Variants in TGFBR3 observed in about 807,000 individuals in gnomAD.
The protein encoded by TGFBR3 is transforming growth factor beta receptor 3.
Under a neutral mutation model 87.9 loss-of-function variants are expected in TGFBR3, and 46 were observed. That is an observed-to-expected ratio of 0.52 (90% CI 0.41 to 0.67). The LOEUF (loss-of-function observed/expected upper bound fraction) is 0.67, where lower values mean the gene tolerates loss of function less well. Ranked by LOEUF, TGFBR3 falls within the 30% of genes least tolerant of loss-of-function variation. TGFBR3 has a pLI of 0.00. For synonymous variants in TGFBR3, 381 were observed against 391.6 expected (o/e 0.97, Z 0.32); for missense variants, 866 against 1,041.9 (o/e 0.83, Z 2.32).
At chr1:91,827,279 G>A (rs536829272) in intron 2 of TGFBR3, among the ~76,000 whole-genome samples, 2 of 152,156 alleles carry the variant, frequency 1.3e-5, no homozygotes, top group Non-Finnish European at 2.9e-5. Context: ...TGGCGGTTAC[G>A]ACATGGAATG....
At chr1:91,807,750 T>C (rs1162648714) in intron 2 of TGFBR3, among the ~76,000 whole-genome samples, 1 of 152,200 alleles carries the variant, frequency 6.6e-6, no homozygotes, top group Admixed American at 6.5e-5. Context: ...AGTGAAGCAG[T>C]GGCATGTCTC....
intron 2 of TGFBR3, among the ~76,000 whole-genome samples, chr1:91,858,570 G>A (rs1352015944): frequency 4.8e-5 from 6 of 124,892 alleles, no homozygotes; most frequent in Non-Finnish European, 9.5e-5. Flanking sequence ...AGCCAAGATT[G>A]TGCCACTGCA....
chr1:91,803,035 T>G (rs1675695984), intron 2 of TGFBR3, among the ~76,000 whole-genome samples: 1 of 152,214 alleles, frequency 6.6e-6, no homozygotes, highest in South Asian at 2.1e-4. Flanking sequence ...CAAACTGATC[T>G]GAAAAACCCA....
At chr1:91,864,174 G>C (rs570047201) in intron 1 of TGFBR3, 1 of 152,340 alleles carries the variant, frequency 6.6e-6, no homozygotes, top group South Asian at 2.1e-4. Flanking sequence ...GCGGCACGAG[G>C]CTTGTGGGAA....
At chr1:91,843,403 C>T (rs140760639) in intron 2 of TGFBR3, among the ~76,000 whole-genome samples, 139 of 152,254 alleles carry the variant, frequency 9.1e-4, no homozygotes, top group African/African-American at 3.2e-3. Flanking sequence ...CTTTCCAGAA[C>T]CTAACCATGC....
At chr1:91,903,566 G>A (rs1489895760) in intron 1 of TGFBR3, among the ~76,000 whole-genome samples, 1 of 151,446 alleles carries the variant, frequency 6.6e-6, no homozygotes, top group Non-Finnish European at 1.5e-5. Flanking sequence ...AACATACTGA[G>A]ACCCCTATCT....
intron 1 of TGFBR3, among the ~76,000 whole-genome samples, chr1:91,867,405 C>T (rs1354227133): frequency 1.3e-5 from 2 of 152,164 alleles, no homozygotes; most frequent in Non-Finnish European, 2.9e-5. Context: ...GCAGGCCCAC[C>T]CTCATTCCTG....
chr1:91,729,381 A>C (rs547870187), intron 6 of TGFBR3, among the ~76,000 whole-genome samples: 4 of 152,302 alleles, frequency 2.6e-5, no homozygotes, highest in African/African-American at 9.6e-5. Flanking sequence ...CTTTATTAAA[A>C]ACAGAAGGTT....
intron 2 of TGFBR3, among the ~76,000 whole-genome samples, chr1:91,830,657 G>A (rs761422533): frequency 2.0e-5 from 3 of 152,128 alleles, no homozygotes; most frequent in Non-Finnish European, 4.4e-5. Context: ...AAAGCTGCCA[G>A]ATACACAAGT....
rs2100926217 is a variant in TGFBR3, at chr1:91,768,843, G to A, written c.247-10093C>T. 1.3e-5 allele frequency among the ~76,000 whole-genome samples: 2 copies of A among 152,126 alleles called. 1 individual carries two copies. The highest frequency in any genetic ancestry group is 6.8e-3 in the Middle Eastern group (2 of 292). The stretch of plus-strand genomic sequence containing the variant: ...CTCGGGTATTTCTTTATGGCAATGT[G>A]AGAATGGACTAATACATGAATCAAC... On this transcript the variant is annotated intron_variant, in intron 3 of 16. Transcript: ENST00000212355.
At chr1:91,807,369 AC>A (rs1484822683) in intron 2 of TGFBR3, among the ~76,000 whole-genome samples, 1 of 152,156 alleles carries the variant, frequency 6.6e-6, no homozygotes, top group Non-Finnish European at 1.5e-5. Context: ...GGTTTCTTTC[AC>A]CCTCCAAGCA....
chr1:91,873,499 C>G (rs867371199), intron 1 of TGFBR3, among the ~76,000 whole-genome samples: 2 of 151,642 alleles, frequency 1.3e-5, no homozygotes, highest in Admixed American at 6.6e-5. Context: ...GTTGGCCAGG[C>G]TGCTCTCAAA....
intron 3 of TGFBR3, among the ~76,000 whole-genome samples, chr1:91,790,766 C>G (rs1675156962): frequency 6.6e-6 from 1 of 152,114 alleles, no homozygotes; most frequent in Non-Finnish European, 1.5e-5. Context: ...TTATGAATAG[C>G]AGCAGGGTAA....
At position 91,680,953 on chromosome 1, in the gene TGFBR3, C is replaced by T. The variant is rs1670888835; in HGVS notation, c.*2786G>A. The T allele has an allele frequency of 6.6e-6, 3 of 453,956 alleles. No homozygotes were observed. The allele number at this position is 453,956 out of a possible 1,614,324, so 28.1% of individuals were successfully genotyped here. On this transcript the variant is annotated 3_prime_UTR_variant, in exon 17 of 17. Transcript: ENST00000212355. ...AATACAGAGTAACAGCTGGTAAACA[C>T]CACATGGTGAAAAGCTATAGCGTAT... is the stretch of plus-strand genomic sequence containing the variant.
intron 3 of TGFBR3, among the ~76,000 whole-genome samples, chr1:91,795,249 C>T (rs535428756): frequency 1.3e-5 from 2 of 152,336 alleles, no homozygotes; most frequent in Admixed American, 6.5e-5. Context: ...TTCTCAGAAA[C>T]ATCTTCAAAT....
chr1:91,800,643 A>G (rs1486989310), intron 2 of TGFBR3, among the ~76,000 whole-genome samples: 1 of 151,858 alleles, frequency 6.6e-6, no homozygotes, highest in Non-Finnish European at 1.5e-5. Flanking sequence ...TTTTCCCTCC[A>G]AGATTGAAAA....
intron 2 of TGFBR3, among the ~76,000 whole-genome samples, chr1:91,823,746 T>C (rs1008859206): frequency 5.9e-5 from 9 of 152,230 alleles, no homozygotes; most frequent in African/African-American, 2.2e-4. Context: ...GGGGTGGAGA[T>C]GGATAATAGA....
At position 91,896,287 on chromosome 1, in the gene TGFBR3, G is replaced by A. The variant is rs535844102; in HGVS notation, c.-114+3350C>T. Reference sequence around the variant, plus strand: ...AGGTATTCAATAAACATCAAATTAAGGGATGGTTTCATTCTAGAGATGGGT... The same window carrying A: ...AGGTATTCAATAAACATCAAATTAAAGGATGGTTTCATTCTAGAGATGGGT... On this transcript the variant is annotated intron_variant, in intron 2 of 17. Coordinates refer to the TGFBR3 transcript ENST00000370399. 1.7e-3 allele frequency among the ~76,000 whole-genome samples: 263 copies of A among 152,278 alleles called. 1 individual carries two copies. Among genetic ancestry groups the A allele is most frequent in the African/African-American group, 6.2e-3 (258 of 41,562 alleles).
chr1:91,770,790 C>G (rs981851646), intron 3 of TGFBR3: 17 of 152,202 alleles, frequency 1.1e-4, no homozygotes, highest in Admixed American at 9.2e-4. Flanking sequence ...CTGCCCCAAA[C>G]AGGAACACTG....
Sources: gnomAD v4.1 joint callset for allele counts (sites outside exome capture counted in the v4.1 genomes callset) on GRCh38, gnomAD v4.1.1 for gene constraint, MANE v1.5 for transcripts, NCBI Gene and HGNC (gene_info 2026-07-23, HGNC 2026-07-21) for gene names.